SOX30: variants seen among roughly 807,000 people sequenced by gnomAD.
SOX30 encodes the protein SRY-box transcription factor 30.
A neutral mutation model predicts 58.6 loss-of-function variants in SOX30; 17 were observed. The observed-to-expected ratio is 0.29, with a 90% CI of 0.20 to 0.44. The LOEUF is 0.44. Ranked by LOEUF, SOX30 falls within the 20% of genes least tolerant of loss-of-function variation. The probability of loss-of-function intolerance (pLI) is 1.00; values close to 1 mark genes in which losing one functional copy is unlikely to be tolerated. For synonymous variants in SOX30, 421 were observed against 400.2 expected (o/e 1.05, Z -0.62); for missense variants, 951 against 965.8 (o/e 0.98, Z 0.20).
At chr5:157,631,059 A>ATACAATATATATATTT (rs1489719249) in intron 4 of SOX30, among the ~76,000 whole-genome samples, 161 of 49,106 alleles carry the variant, frequency 3.3e-3, no homozygotes, top group Non-Finnish European at 5.0e-3. Context: ...ATATATATAT[A>ATACAATATATATATTT]TATATATATA....
rs781097646 is a variant in SOX30, at chr5:157,638,555, T to G, written c.1555A>C (p.Thr519Pro). ...TCAGAATGCAGCTGATGAGTGTCTG[T>G]TTGGGAAGGCCCAGTAAAGCGTTGG... The part of the protein sequence containing the change: ...PPQRFTGPSQ[T>P]DTHQLHSEAT... Residue 519 changes from threonine to proline, a missense_variant, in exon 4 of 5, where the codon ACA (threonine) becomes CCA (proline). Thr to Pro is a conservative substitution (Grantham distance 38). This residue lies in a region of SOX30 where 381 missense variants were observed against 390.0 expected (regional missense o/e 0.98). Coordinates refer to ENST00000265007, the MANE Select transcript of SOX30 (RefSeq NM_178424.2). 1 of 1,614,050 alleles carries G rather than the reference T, an allele frequency of 6.2e-7. No individual in the cohort carries two copies. Among genetic ancestry groups the G allele is most frequent in the African/African-American group, 1.3e-5 (1 of 74,980 alleles).
chr5:157,645,981 T>C (rs1007221840), intron 3 of SOX30, among the ~76,000 whole-genome samples: 8 of 150,616 alleles, frequency 5.3e-5, no homozygotes, highest in African/African-American at 2.0e-4. Context: ...GATTGCACCA[T>C]TGCTCCAGCC....
At chr5:157,639,851 T>A (rs1208095531) in intron 3 of SOX30, among the ~76,000 whole-genome samples, 2 of 152,256 alleles carry the variant, frequency 1.3e-5, no homozygotes, top group Non-Finnish European at 2.9e-5. Context: ...CCAGCCTCAT[T>A]CAGGTGACTT....
chr5:157,639,714 A>G (rs1759017123), intron 3 of SOX30, among the ~76,000 whole-genome samples: 1 of 152,230 alleles, frequency 6.6e-6, no homozygotes, highest in South Asian at 2.1e-4. Flanking sequence ...TGGATGCCAC[A>G]GCAAGAGAGT....
chr5:157,638,371 A>G lies in SOX30; in HGVS notation c.1739T>C (p.Ile580Thr). The G allele has an allele frequency of 6.2e-7, 1 of 1,613,554 alleles. No homozygotes were observed. The highest frequency in any genetic ancestry group is 2.2e-5 in the East Asian group (1 of 44,844). The change falls in exon 4 of 5, where the codon ATC becomes ACC. Residue 580 changes from isoleucine (I) to threonine (T), a missense_variant. Coordinates refer to ENST00000265007, the MANE Select transcript of SOX30 (RefSeq NM_178424.2). Reference sequence around the variant, plus strand: ...GTGTGGAATGGGAGAAGCCTGGGGGATTGGAGCACTTCTGGGACAAGGGGA... The same window carrying G: ...GTGTGGAATGGGAGAAGCCTGGGGGGTTGGAGCACTTCTGGGACAAGGGGA... ...SVSPCPRSAP[I>T]PQASPIPHPH...
upstream of SOX30, among the ~76,000 whole-genome samples, chr5:157,656,129 GAGTCCTTTA>G (rs1222559822): frequency 6.6e-6 from 1 of 152,198 alleles, no homozygotes; most frequent in Non-Finnish European, 1.5e-5. Context: ...CTTAGGAGAT[GAGTCCTTTA>G]TCTTTTGTCT....
intron 4 of SOX30, among the ~76,000 whole-genome samples, chr5:157,629,881 C>G (rs1217429107): frequency 6.6e-6 from 1 of 152,194 alleles, no homozygotes; most frequent in Non-Finnish European, 1.5e-5. Flanking sequence ...CTCCTAACTA[C>G]CATGCCGCCC....
At position 157,652,119 on chromosome 5, in the gene SOX30, G is replaced by A. The variant is rs950573994; in HGVS notation, c.-41C>T. The A allele has an allele frequency of 2.2e-6, 3 of 1,384,782 alleles. No homozygotes were observed. The highest frequency in any genetic ancestry group is 2.8e-6 in the Non-Finnish European group (3 of 1,077,456). The allele number at this position is 1,384,782 out of a possible 1,614,324, so 85.8% of individuals were successfully genotyped here. The stretch of plus-strand genomic sequence containing the variant: ...CCCGGCCAGGATTGTGAGCTCAGCC[G>A]TTTGTTGGCGACCTTCCCCCTCCCC... On this transcript the variant is annotated 5_prime_UTR_variant, in exon 1 of 5. The change creates a new upstream start codon in the 5' untranslated region. Coordinates refer to ENST00000265007, the MANE Select transcript of SOX30 (RefSeq NM_178424.2).
intron 4 of SOX30, among the ~76,000 whole-genome samples, chr5:157,630,886 A>G (rs1758774801): frequency 1.4e-5 from 2 of 138,354 alleles, no homozygotes; most frequent in East Asian, 3.9e-4. Context: ...TACAATATAT[A>G]TAATTTTATA....
rs757877671 is a variant in SOX30 at position 157,648,668 on chromosome 5, T to C, written c.1196A>G (p.Glu399Gly). 4 of 1,612,642 alleles carry C rather than the reference T, an allele frequency of 2.5e-6. No homozygotes were observed. Among genetic ancestry groups the C allele is most frequent in the Non-Finnish European group, 3.4e-6 (4 of 1,179,160 alleles). ...TTTAATTTGATTACCAGGAAATTCC[T>C]CTCTGTGCTTTTCCTTAATCTTTTG... ...EAQKIKEKHR[E>G]EFPGWVYQPR... The change falls in exon 2 of 5, where the codon GAG becomes GGG. Residue 399 changes from glutamate to glycine, a missense_variant. Glu to Gly is a moderately conservative substitution (Grantham distance 98). This residue lies in a region of SOX30 where 57 missense variants were observed against 104.0 expected (regional missense o/e 0.55). Transcript: ENST00000265007.
chr5:157,647,126 A>G (rs1011906386), intron 2 of SOX30, among the ~76,000 whole-genome samples: 4 of 151,096 alleles, frequency 2.6e-5, no homozygotes, highest in African/African-American at 9.8e-5. Context: ...CAATGGCACA[A>G]TCTCGGCTCA....
chr5:157,626,349 C>T lies in SOX30; in HGVS notation c.2253G>A (p.Arg751=), dbSNP rs768855882. 1.9e-5 allele frequency: 31 copies of T among 1,598,720 alleles called. No homozygotes were observed. The South Asian group carries it at 2.3e-4, about 12-fold the overall frequency. The change falls in exon 5 of 5, where the codon AGG becomes AGA. Residue 751 remains arginine (R), a synonymous_variant. Coordinates refer to ENST00000265007, the MANE Select transcript of SOX30 (RefSeq NM_178424.2). ...SDEEEEEKVL[R]DL ...CATATTTGTTTTAAAATTATAAATC[C>T]CTGAGCACTTTTTCTTCTTCCTCCT...
At chr5:157,653,305 A>G (rs1273198950), upstream of SOX30, among the ~76,000 whole-genome samples, 1 of 151,952 alleles carries the variant, frequency 6.6e-6, no homozygotes, top group Non-Finnish European at 1.5e-5. Flanking sequence ...GCTTACCACA[A>G]TTTGTAATTA....
At chr5:157,671,137 C>T (rs1759773071) in intron 1 of SOX30, among the ~76,000 whole-genome samples, 1 of 152,190 alleles carries the variant, frequency 6.6e-6, no homozygotes, top group African/African-American at 2.4e-5. Flanking sequence ...GAGCCTCAAT[C>T]CCCGCTGACC....
upstream of SOX30, among the ~76,000 whole-genome samples, chr5:157,656,350 A>G (rs560836944): frequency 6.6e-6 from 1 of 152,364 alleles, no homozygotes; most frequent in African/African-American, 2.4e-5. Flanking sequence ...ATATCTTAAA[A>G]TGTAAACATT....
Position 157,648,700 on chromosome 5 carries a change from A to G in SOX30, c.1164T>C (p.Asp388=), listed in dbSNP as rs894241886. ...GCTTTTCCTTAATCTTTTGTGCTTC[A>G]TCGTAATAGGGTTTCTTTTGTTCTT... ...LSEEQKKPYY[D]EAQKIKEKHR... is the part of the protein sequence containing the mutation. Residue 388 remains aspartate, a synonymous_variant, in exon 2 of 5, where the codon GAT becomes GAC. Transcript: ENST00000265007. 1 of 1,613,782 alleles carries G rather than the reference A, an allele frequency of 6.2e-7. No individual in the cohort carries two copies. The highest frequency in any genetic ancestry group is 8.5e-7 in the Non-Finnish European group (1 of 1,179,942).
rs189231734 is a variant in SOX30 at position 157,636,167 on chromosome 5, G to A, written c.1880+2063C>T. Among the ~76,000 whole-genome samples, 378 of 152,264 alleles carry A rather than the reference G, an allele frequency of 2.5e-3. 1 individual carries two copies. Among genetic ancestry groups the A allele is most frequent in the South Asian group, 0.012 (59 of 4,814 alleles). ...GTAGTAACAGCTAGAGTGAGACTGT[G>A]GTACACAGCCCATTGTAATTGACTC... On this transcript the variant is annotated intron_variant, in intron 4 of 4. Transcript: ENST00000265007.
At chr5:157,671,411 A>C in exon 1 of SOX30, 1 of 579,814 alleles carries the variant, frequency 1.7e-6, no homozygotes, top group Non-Finnish European at 3.1e-6. Flanking sequence ...GGACAATATT[A>C]CCGCGTCCGT....
chr5:157,641,297 T>C (rs1381975878), intron 3 of SOX30, among the ~76,000 whole-genome samples: 1 of 151,542 alleles, frequency 6.6e-6, no homozygotes, highest in Non-Finnish European at 1.5e-5. Context: ...ACAGAGTAAA[T>C]AATGCACCAG....
Sources: allele counts gnomAD v4.1 joint callset (sites outside exome capture counted in the v4.1 genomes callset), GRCh38; gene constraint gnomAD v4.1.1; regional missense constraint gnomAD v4.1.1; transcripts MANE v1.5; gene names NCBI Gene and HGNC (gene_info 2026-07-23, HGNC 2026-07-21).